The following CLSTN2 variants were observed in gnomAD, a reference collection of about 807,000 sequenced individuals.
CLSTN2 encodes the protein calsyntenin 2.
In CLSTN2, 48 loss-of-function variants were observed where a neutral mutation model predicts 101.2. The observed-to-expected ratio is 0.47, with a 90% CI of 0.38 to 0.60. The LOEUF (loss-of-function observed/expected upper bound fraction) is 0.60. Among genes scored for constraint, CLSTN2 ranks in the 20% least tolerant of loss-of-function variants. The pLI is 0.00. For missense variants in CLSTN2, 1,160 were observed against 1,238.2 expected (o/e 0.94, Z 0.95); for synonymous variants, 481 against 463.6 (o/e 1.04, Z -0.48).
chr3:140,129,977 T>A (rs2009498991), intron 1 of CLSTN2, among the ~76,000 whole-genome samples: 1 of 152,198 alleles, frequency 6.6e-6, no homozygotes. Context: ...AACTGCCTGA[T>A]GTACAGTGAA....
chr3:140,537,715 A>G (rs1049808334), intron 9 of CLSTN2, among the ~76,000 whole-genome samples: 1 of 152,194 alleles, frequency 6.6e-6, no homozygotes, highest in Admixed American at 6.5e-5. Flanking sequence ...AAAAGACTAA[A>G]TTAATTTGTC....
At chr3:140,239,973 A>G (rs139273806) in intron 2 of CLSTN2, among the ~76,000 whole-genome samples, 3,217 of 150,568 alleles carry the variant, frequency 0.021, 64 homozygotes, top group South Asian at 0.048. Context: ...TTAAAACAAA[A>G]GCAAATTTTG....
chr3:140,353,744 T>G (rs2087636580), intron 2 of CLSTN2, among the ~76,000 whole-genome samples: 1 of 152,198 alleles, frequency 6.6e-6, no homozygotes, highest in African/African-American at 2.4e-5. Context: ...AATAAAATAT[T>G]AATAATTAAT....
intron 2 of CLSTN2, among the ~76,000 whole-genome samples, chr3:140,317,017 A>G (rs1030087836): frequency 2.0e-5 from 3 of 152,188 alleles, no homozygotes; most frequent in African/African-American, 7.2e-5. Flanking sequence ...CATTAAGAAA[A>G]TTCATTCGTG....
At chr3:139,957,351 A>G (rs1414922902) in intron 1 of CLSTN2, among the ~76,000 whole-genome samples, 1 of 152,076 alleles carries the variant, frequency 6.6e-6, no homozygotes, top group Non-Finnish European at 1.5e-5. Context: ...CCAGATCCCA[A>G]CTGGTGCAGA....
chr3:140,504,008 C>T (rs1934635211), intron 8 of CLSTN2, among the ~76,000 whole-genome samples: 1 of 152,168 alleles, frequency 6.6e-6, no homozygotes, highest in South Asian at 2.1e-4. Context: ...GATAAAGCCA[C>T]AAAATCCCTT....
intron 2 of CLSTN2, among the ~76,000 whole-genome samples, chr3:140,249,522 G>A (rs1413933591): frequency 1.3e-5 from 2 of 152,202 alleles, no homozygotes; most frequent in Non-Finnish European, 2.9e-5. Context: ...TAGGGGCATA[G>A]CAGCGAATGG....
At chr3:140,323,574 TGGGGCAAGTTGCATA>T (rs2087304502) in intron 2 of CLSTN2, among the ~76,000 whole-genome samples, 1 of 152,188 alleles carries the variant, frequency 6.6e-6, no homozygotes, top group African/African-American at 2.4e-5. Flanking sequence ...TTCCATGATC[TGGGGCAAGTTGCATA>T]GCTCCTCTGA....
chr3:140,508,336 T>A (rs751784002), intron 8 of CLSTN2: 1 of 152,182 alleles, frequency 6.6e-6, no homozygotes, highest in Non-Finnish European at 1.5e-5. Flanking sequence ...ACCCTCATAT[T>A]CTCCTTTTCT....
chr3:140,183,062 A>G (rs888215963), intron 2 of CLSTN2, among the ~76,000 whole-genome samples: 8 of 152,298 alleles, frequency 5.3e-5, no homozygotes, highest in African/African-American at 9.6e-5. Flanking sequence ...AGCAGGGACC[A>G]TGGGTTTCAT....
chr3:139,987,618 A>G (rs1936048320), intron 1 of CLSTN2, among the ~76,000 whole-genome samples: 1 of 152,210 alleles, frequency 6.6e-6, no homozygotes, highest in Non-Finnish European at 1.5e-5. Context: ...CTTCCTTAGA[A>G]CTATTTTTCT....
chr3:140,236,074 A>G (rs2086414710), intron 2 of CLSTN2, among the ~76,000 whole-genome samples: 1 of 152,108 alleles, frequency 6.6e-6, no homozygotes, highest in South Asian at 2.1e-4. Flanking sequence ...ACCCTGTAAA[A>G]TCACAGATTT....
In CLSTN2 at chr3:140,413,149, G is replaced by A. The variant is rs2088384590; in HGVS notation, c.638-7976G>A. On this transcript the variant is annotated intron_variant, in intron 4 of 16. Transcript: ENST00000458420. Reference sequence around the variant, plus strand: ...AAACTAATTGATAAACCTTTACCTAGGCTAAGAAAAAAACAGAGACAAGAC... The same window carrying A: ...AAACTAATTGATAAACCTTTACCTAAGCTAAGAAAAAAACAGAGACAAGAC... Among the ~76,000 whole-genome samples the A allele has an allele frequency of 2.0e-5, 3 of 151,574 alleles. No homozygotes were observed. The South Asian group carries it at 6.3e-4, about 32-fold the overall frequency.
intron 4 of CLSTN2, among the ~76,000 whole-genome samples, chr3:140,410,997 A>T (rs1479733471): frequency 1.3e-5 from 2 of 152,186 alleles, no homozygotes; most frequent in African/African-American, 2.4e-5. Context: ...CAAGTCACAA[A>T]AGAAGACAGC....
intron 2 of CLSTN2, among the ~76,000 whole-genome samples, chr3:140,278,559 C>T (rs2086815938): frequency 6.6e-6 from 1 of 152,184 alleles, no homozygotes; most frequent in Non-Finnish European, 1.5e-5. Context: ...ATGAATTCTG[C>T]AAGGATGAGC....
chr3:140,526,751 G>C (rs889159532), intron 8 of CLSTN2, among the ~76,000 whole-genome samples: 9 of 152,016 alleles, frequency 5.9e-5, no homozygotes, highest in African/African-American at 1.9e-4. Flanking sequence ...TAGACCAATG[G>C]AACAGAATAC....
chr3:140,541,346 A>C (rs990123402), intron 9 of CLSTN2, among the ~76,000 whole-genome samples: 2 of 152,224 alleles, frequency 1.3e-5, no homozygotes, highest in African/African-American at 4.8e-5. Flanking sequence ...TCAAGTCCCC[A>C]GTCAACCTGA....
At chr3:140,185,857 T>C (rs1208897464) in intron 2 of CLSTN2, among the ~76,000 whole-genome samples, 1 of 152,138 alleles carries the variant, frequency 6.6e-6, no homozygotes, top group Non-Finnish European at 1.5e-5. Flanking sequence ...CTGAAGGGAA[T>C]GATAGCCTCA....
At chr3:140,292,395 TC>T (rs1464184277) in intron 2 of CLSTN2, among the ~76,000 whole-genome samples, 2 of 152,240 alleles carry the variant, frequency 1.3e-5, no homozygotes, top group South Asian at 2.1e-4. Flanking sequence ...TTGTTTTTTT[TC>T]TTCTTCCCTA....
Sources: allele counts gnomAD v4.1 joint callset (sites outside exome capture counted in the v4.1 genomes callset), GRCh38; gene constraint gnomAD v4.1.1; transcripts MANE v1.5; gene names NCBI Gene and HGNC (gene_info 2026-07-23, HGNC 2026-07-21).